The following RPS6KC1 variants were observed in gnomAD, a reference collection of about 807,000 sequenced individuals.
RPS6KC1 encodes ribosomal protein S6 kinase C1, also known as inactive ribosomal protein S6 kinase delta-1.
RPS6KC1 carries 54 observed loss-of-function variants against 103.8 expected under a neutral mutation model. That is an observed-to-expected ratio of 0.52 (90% CI 0.42 to 0.65). The LOEUF is 0.65. Among genes scored for constraint, RPS6KC1 ranks in the 30% least tolerant of loss-of-function variants. RPS6KC1 has a pLI of 0.00. For missense variants in RPS6KC1, 1,151 were observed against 1,253.8 expected (o/e 0.92, Z 1.24); for synonymous variants, 439 against 438.7 (o/e 1.00, Z -0.01).
chr1:213,686,724 A>G, the RPS6KC1 span, among the ~76,000 whole-genome samples: 2 of 152,156 alleles, frequency 1.3e-5, no homozygotes, highest in Non-Finnish European at 2.9e-5. Context: ...TGCAAGAAAG[A>G]ATTCGGGGCA....
At chr1:213,833,748 A>G in the RPS6KC1 span, among the ~76,000 whole-genome samples, 3 of 152,212 alleles carry the variant, frequency 2.0e-5, no homozygotes, top group Non-Finnish European at 4.4e-5. Flanking sequence ...GACGTGTGAG[A>G]GACAGCATGC....
the RPS6KC1 span, among the ~76,000 whole-genome samples, chr1:213,455,853 A>G: frequency 1.3e-3 from 203 of 152,366 alleles, 1 homozygote; most frequent in Admixed American, 3.1e-3. Flanking sequence ...CAGATATTTG[A>G]AAAGGTGTAG....
the RPS6KC1 span, among the ~76,000 whole-genome samples, chr1:213,372,497 C>T: frequency 6.6e-6 from 1 of 152,270 alleles, no homozygotes; most frequent in East Asian, 1.9e-4. Flanking sequence ...TGGGTGTCTG[C>T]CCGTCTACCC....
the RPS6KC1 span, among the ~76,000 whole-genome samples, chr1:213,586,525 G>A: frequency 6.6e-6 from 1 of 152,276 alleles, no homozygotes; most frequent in African/African-American, 2.4e-5. Context: ...GTCTGTTAGG[G>A]CAATAAAACT....
the RPS6KC1 span, among the ~76,000 whole-genome samples, chr1:213,637,025 A>G: frequency 1.3e-5 from 2 of 152,250 alleles, no homozygotes; most frequent in Non-Finnish European, 2.9e-5. Flanking sequence ...GCTCATCATC[A>G]CTGGCCATCA....
the RPS6KC1 span, among the ~76,000 whole-genome samples, chr1:213,779,123 A>G: frequency 6.6e-6 from 1 of 152,208 alleles, no homozygotes; most frequent in Non-Finnish European, 1.5e-5. Flanking sequence ...GATATGATCA[A>G]TTGCTGCTGA....
the RPS6KC1 span, among the ~76,000 whole-genome samples, chr1:213,367,303 C>T: frequency 6.6e-6 from 1 of 152,184 alleles, no homozygotes; most frequent in Non-Finnish European, 1.5e-5. Flanking sequence ...ACTTTTAAGT[C>T]CTTTTCTTGC....
chr1:213,697,383 A>G, the RPS6KC1 span, among the ~76,000 whole-genome samples: 1 of 152,220 alleles, frequency 6.6e-6, no homozygotes, highest in African/African-American at 2.4e-5. Context: ...CAACAGATGT[A>G]CCCACTCAGC....
At chr1:213,325,490 T>C in the RPS6KC1 span, among the ~76,000 whole-genome samples, 2 of 152,240 alleles carry the variant, frequency 1.3e-5, no homozygotes, top group Admixed American at 6.5e-5. Context: ...CAGCAGGCAG[T>C]AGGGTACGCG....
the RPS6KC1 span, among the ~76,000 whole-genome samples, chr1:213,740,743 T>A: frequency 7.6e-6 from 1 of 131,346 alleles, no homozygotes; most frequent in African/African-American, 2.9e-5. Context: ...CTCAGATATA[T>A]GTACACATAT....
the RPS6KC1 span, among the ~76,000 whole-genome samples, chr1:213,792,796 TC>T: frequency 6.6e-6 from 1 of 152,078 alleles, no homozygotes; most frequent in South Asian, 2.1e-4. Context: ...ACTCGGAGGT[TC>T]ATTTGGGACT....
the RPS6KC1 span, among the ~76,000 whole-genome samples, chr1:213,709,749 T>C: frequency 7.9e-5 from 12 of 152,240 alleles, no homozygotes; most frequent in Non-Finnish European, 1.6e-4. Flanking sequence ...AAAGAACTTA[T>C]TTATTTCTGC....
the RPS6KC1 span, among the ~76,000 whole-genome samples, chr1:213,624,040 GGA>G: frequency 2.0e-5 from 3 of 152,154 alleles, no homozygotes; most frequent in East Asian, 3.9e-4. Flanking sequence ...ATGGTTCACT[GGA>G]GACTTCATTA....
the RPS6KC1 span, among the ~76,000 whole-genome samples, chr1:213,633,383 G>A: frequency 9.3e-3 from 1,412 of 152,180 alleles, 18 homozygotes; most frequent in African/African-American, 0.032. Context: ...AAGAGAATCA[G>A]GGCCAATACT....
At chr1:213,359,179 G>A in the RPS6KC1 span, among the ~76,000 whole-genome samples, 5 of 152,304 alleles carry the variant, frequency 3.3e-5, no homozygotes, top group East Asian at 1.9e-4. Flanking sequence ...CATTATTAAT[G>A]TGTGGGAGTC....
At chr1:213,697,338 C>T in the RPS6KC1 span, among the ~76,000 whole-genome samples, 1 of 152,230 alleles carries the variant, frequency 6.6e-6, no homozygotes, top group African/African-American at 2.4e-5. Context: ...GCACTGGTCC[C>T]TGCTTCAGAA....
chr1:213,119,615 T>C lies in RPS6KC1; in HGVS notation c.472+2205T>C, dbSNP rs540748769. ...TGGGAGTAGTTATATTCTTCTGATA[T>C]CTATAATAAGCTTCTGTTACTAGGT... On this transcript the variant is annotated intron_variant, in intron 5 of 14. Transcript: ENST00000366960. Among the ~76,000 whole-genome samples the C allele has an allele frequency of 2.6e-5, 4 of 151,602 alleles. No homozygotes were observed. The East Asian group carries it at 5.8e-4, about 22-fold the overall frequency.
the RPS6KC1 span, among the ~76,000 whole-genome samples, chr1:213,484,845 C>T: frequency 1.3e-5 from 2 of 152,068 alleles, no homozygotes; most frequent in African/African-American, 4.8e-5. Flanking sequence ...GATAAGGAAG[C>T]CTATTAAGGG....
At chr1:213,818,770 C>T in the RPS6KC1 span, 1 of 152,238 alleles carries the variant, frequency 6.6e-6, no homozygotes, top group Non-Finnish European at 1.5e-5. Flanking sequence ...CTCAGTCCCA[C>T]TGAAACAGCT....
Sources: gnomAD v4.1 joint callset for allele counts (sites outside exome capture counted in the v4.1 genomes callset) on GRCh38, gnomAD v4.1.1 for gene constraint, MANE v1.5 for transcripts, NCBI Gene and HGNC (gene_info 2026-07-23, HGNC 2026-07-21) for gene names.